The following BICRAL variants were observed in gnomAD, a reference collection of about 807,000 sequenced individuals.
The protein encoded by BICRAL is BRD4-interacting chromatin-remodeling complex-associated protein-like.
A neutral mutation model predicts 91.8 loss-of-function variants in BICRAL; 8 were observed. The ratio of observed to expected loss-of-function variants is 0.09; its 90% CI spans 0.05 to 0.16. The LOEUF is 0.16. Among genes scored for constraint, BICRAL ranks in the 10% least tolerant of loss-of-function variants. The pLI is 1.00. For synonymous variants in BICRAL, 445 were observed against 491.1 expected (o/e 0.91, Z 1.24); for missense variants, 1,038 against 1,310.9 (o/e 0.79, Z 3.21).
chr6:42,828,400 CAAAAAAA>C (rs60087164), intron 5 of BICRAL, 86 bp from the exon 6 acceptor site: 26 of 905,704 alleles, frequency 2.9e-5, no homozygotes, highest in Non-Finnish European at 3.7e-5. Context: ...GACTCCATCT[CAAAAAAA>C]AAAAAAAAAG....
Position 42,826,854 on chromosome 6 carries a change from T to C in BICRAL, c.160-1639T>C, listed in dbSNP as rs938641953. Among the ~76,000 whole-genome samples the C allele has an allele frequency of 2.0e-5, 3 of 152,272 alleles. No homozygotes were observed. In the East Asian group the frequency reaches 5.8e-4, roughly 29 times the overall value. On this transcript the variant is annotated intron_variant, in intron 5 of 12. Coordinates refer to ENST00000314073, the MANE Select transcript of BICRAL (RefSeq NM_001393499.1). ...CAGGCTGGAGTGCAATGGCACAATCTTGGCTCACCGCAACCTCTGCCTCCC... is the reference window on the plus strand; with the variant it reads ...CAGGCTGGAGTGCAATGGCACAATCCTGGCTCACCGCAACCTCTGCCTCCC...
At chr6:42,812,897 T>C (rs1362929994) in intron 2 of BICRAL, among the ~76,000 whole-genome samples, 1 of 152,104 alleles carries the variant, frequency 6.6e-6, no homozygotes, top group Non-Finnish European at 1.5e-5. Flanking sequence ...TAGCTGGGCA[T>C]GATGGCAAGT....
Position 42,828,498 on chromosome 6 carries a change from T to C in BICRAL, c.165T>C (p.Ala55=), listed in dbSNP as rs764544145. 6.2e-6 allele frequency: 10 copies of C among 1,606,990 alleles called. No homozygotes were observed. The highest frequency in any genetic ancestry group is 2.2e-5 in the East Asian group (1 of 44,836). ...SNSIFANSSN[A]DPKSSLKGVS... ...CATACTGTTTATTTTTTTAGAATGCTGATCCTAAGTCATCCCTCAAAGGTG... is the reference window on the plus strand; with the variant it reads ...CATACTGTTTATTTTTTTAGAATGCCGATCCTAAGTCATCCCTCAAAGGTG... The change falls in exon 6 of 13, where the codon GCT becomes GCC. Residue 55 remains alanine (A), a synonymous_variant. Coordinates refer to ENST00000314073, the MANE Select transcript of BICRAL (RefSeq NM_001393499.1).
chr6:42,789,019 G>T (rs1227265593), intron 1 of BICRAL, among the ~76,000 whole-genome samples: 1 of 152,198 alleles, frequency 6.6e-6, no homozygotes, highest in African/African-American at 2.4e-5. Context: ...CCAGAGGCTT[G>T]AGAGTAGTTG....
At chr6:42,794,504 G>A (rs1444979253) in intron 1 of BICRAL, among the ~76,000 whole-genome samples, 1 of 151,242 alleles carries the variant, frequency 6.6e-6, no homozygotes, top group Non-Finnish European at 1.5e-5. Context: ...TAATCCTCCT[G>A]CTTCCCCTGC....
At chr6:42,801,809 G>A (rs1763580434) in intron 1 of BICRAL, among the ~76,000 whole-genome samples, 1 of 151,918 alleles carries the variant, frequency 6.6e-6, no homozygotes, top group African/African-American at 2.4e-5. Context: ...CTTGAACCCA[G>A]GAGGCCAAGA....
chr6:42,791,932 C>G (rs4711728), intron 1 of BICRAL, among the ~76,000 whole-genome samples: 72,300 of 152,066 alleles, frequency 0.48, 18,798 homozygotes, highest in African/African-American at 0.69. Context: ...ATAGCCTATT[C>G]CTCCTGTATT....
intron 1 of BICRAL, among the ~76,000 whole-genome samples, chr6:42,752,960 T>C (rs1161183996): frequency 7.3e-6 from 1 of 136,432 alleles, no homozygotes; most frequent in Non-Finnish European, 1.6e-5. Context: ...GGAGTTTTGC[T>C]CTGTCACCCA....
In BICRAL at chr6:42,810,385, C is replaced by CT. The variant is rs2113915992; in HGVS notation, c.-20dup. On this transcript the variant is annotated 5_prime_UTR_variant, in exon 2 of 13. Coordinates refer to ENST00000314073, the MANE Select transcript of BICRAL (RefSeq NM_001393499.1). ...GGAACTCCTGCCAAAAATTGTAGCA[C>CT]TTCTCACATTGCAATGGTAATGAAT... 1 of 152,322 alleles carries CT rather than the reference C, an allele frequency of 6.6e-6. No homozygotes were observed. Among genetic ancestry groups the CT allele is most frequent in the African/African-American group, 2.4e-5 (1 of 41,582 alleles). The allele number at this position is 152,322 out of a possible 1,614,324, so 9.4% of individuals were successfully genotyped here.
At chr6:42,848,580 C>T (rs1194160012) in intron 6 of BICRAL, among the ~76,000 whole-genome samples, 1 of 152,168 alleles carries the variant, frequency 6.6e-6, no homozygotes, top group African/African-American at 2.4e-5. Context: ...AGCAGTGGCT[C>T]ACGCCTATAA....
At chr6:42,750,159 G>T (rs1049970865) in intron 1 of BICRAL, among the ~76,000 whole-genome samples, 3 of 151,634 alleles carry the variant, frequency 2.0e-5, no homozygotes, top group African/African-American at 7.3e-5. Flanking sequence ...CACCGTGCCT[G>T]GGCCCTTTTT....
intron 6 of BICRAL, among the ~76,000 whole-genome samples, chr6:42,836,790 T>C (rs1764649681): frequency 6.6e-6 from 1 of 151,330 alleles, no homozygotes; most frequent in East Asian, 1.9e-4. Context: ...CCCAGCTAAT[T>C]TTTGTATTTT....
chr6:42,808,974 A>G (rs1170592986), intron 1 of BICRAL, among the ~76,000 whole-genome samples: 1 of 151,360 alleles, frequency 6.6e-6, no homozygotes, highest in Non-Finnish European at 1.5e-5. Context: ...AGCCCCCTTC[A>G]TGGTTGGTCA....
chr6:42,847,872 G>C (rs1765064635), intron 6 of BICRAL, among the ~76,000 whole-genome samples: 1 of 151,772 alleles, frequency 6.6e-6, no homozygotes, highest in African/African-American at 2.4e-5. Context: ...GCTCACGCCT[G>C]TAATCCCAGC....
chr6:42,829,668 C>CAGA lies in BICRAL; in HGVS notation c.1337_1339dup (p.Arg446dup). 2 of 1,614,176 alleles carry CAGA rather than the reference C, an allele frequency of 1.2e-6. No individual in the cohort carries two copies. Among genetic ancestry groups the CAGA allele is most frequent in the Non-Finnish European group, 1.7e-6 (2 of 1,180,000 alleles). On this transcript the variant is annotated inframe_insertion, in exon 6 of 13. Coordinates refer to ENST00000314073, the MANE Select transcript of BICRAL (RefSeq NM_001393499.1). ...TGGCCTCAGAGCATGTCATGTTGAA[C>CAGA]AGAAACTCTTCCAACATGCTCAGGA...
chr6:42,854,975 A>T (rs1242175772), intron 8 of BICRAL, among the ~76,000 whole-genome samples: 1 of 152,328 alleles, frequency 6.6e-6, no homozygotes, highest in South Asian at 2.1e-4. Context: ...GCTTACTAAG[A>T]CAGTTTCGTT....
rs1244287751 is a variant in BICRAL at position 42,866,671 on chromosome 6, C to A, written c.*1225C>A. 2.7e-6 allele frequency: 1 copy of A among 372,224 alleles called. No individual in the cohort carries two copies. Among genetic ancestry groups the A allele is most frequent in the Non-Finnish European group, 5.3e-6 (1 of 186,986 alleles). The allele number at this position is 372,224 out of a possible 1,614,324, so 23.1% of individuals were successfully genotyped here. On this transcript the variant is annotated 3_prime_UTR_variant, in exon 13 of 13. Coordinates refer to ENST00000314073, the MANE Select transcript of BICRAL (RefSeq NM_001393499.1). ...GGAAAGATCTGAGACATGGGATTCC[C>A]ATTTGAGAGCCAAAGGATATGCCCT... is the stretch of plus-strand genomic sequence containing the variant.
At position 42,805,744 on chromosome 6, in the gene BICRAL, G is replaced by A. The variant is rs142447960; in HGVS notation, c.-101-4562G>A. Reference sequence around the variant, plus strand: ...GGGCCAGGTGCGGTGGCTCACACCTGTAATCCCAGCACTTTGGAAGGCCGA... The same window carrying A: ...GGGCCAGGTGCGGTGGCTCACACCTATAATCCCAGCACTTTGGAAGGCCGA... On this transcript the variant is annotated intron_variant, in intron 1 of 12. Transcript: ENST00000314073. Among the ~76,000 whole-genome samples, 87 of 152,208 alleles carry A rather than the reference G, an allele frequency of 5.7e-4. 1 individual carries two copies. The East Asian group carries it at 0.017, about 29-fold the overall frequency.
chr6:42,797,098 T>C (rs974510512), intron 1 of BICRAL, among the ~76,000 whole-genome samples: 2 of 150,320 alleles, frequency 1.3e-5, no homozygotes, highest in African/African-American at 4.9e-5. Flanking sequence ...AAATGGAATT[T>C]GAACTGGAGC....
Sources: gnomAD v4.1 joint callset for allele counts (sites outside exome capture counted in the v4.1 genomes callset) on GRCh38, gnomAD v4.1.1 for gene constraint, MANE v1.5 for transcripts, NCBI Gene and HGNC (gene_info 2026-07-23, HGNC 2026-07-21) for gene names.